CTTNBP2: variants seen among roughly 807,000 people sequenced by gnomAD.
The protein encoded by CTTNBP2 is cortactin-binding protein 2.
CTTNBP2 carries 108 observed loss-of-function variants against 156.9 expected under a neutral mutation model. That is an observed-to-expected ratio of 0.69 (90% CI 0.59 to 0.81). CTTNBP2 has a LOEUF of 0.81. Ranked by LOEUF, CTTNBP2 falls within the 30% of genes least tolerant of loss-of-function variation. The pLI is 0.00. For synonymous variants in CTTNBP2, 767 were observed against 751.8 expected (o/e 1.02, Z -0.33); for missense variants, 1,924 against 2,035.4 (o/e 0.95, Z 1.05).
chr7:117,840,898 C>T (rs1173041684), intron 2 of CTTNBP2, among the ~76,000 whole-genome samples: 3 of 152,138 alleles, frequency 2.0e-5, no homozygotes, highest in African/African-American at 7.2e-5. Context: ...AATTAAGCAG[C>T]TCTCCAACTT....
chr7:117,852,901 G>T (rs927877108), intron 2 of CTTNBP2, among the ~76,000 whole-genome samples: 1 of 152,094 alleles, frequency 6.6e-6, no homozygotes, highest in African/African-American at 2.4e-5. Context: ...TTGCCTTTGG[G>T]GGAGAGACAT....
chr7:117,767,505 T>C (rs1433015111), intron 8 of CTTNBP2, among the ~76,000 whole-genome samples: 2 of 152,210 alleles, frequency 1.3e-5, no homozygotes, highest in South Asian at 4.1e-4. Flanking sequence ...CAGCAGACAT[T>C]CTCCTTTTAT....
intron 4 of CTTNBP2, 143 bp from the exon 5 acceptor site, chr7:117,784,597 T>C (rs547835888): frequency 1.6e-4 from 84 of 541,860 alleles, no homozygotes; most frequent in Admixed American, 1.3e-3. Flanking sequence ...TATCAATCTG[T>C]TAATATTTAC....
rs67694603 is a variant in CTTNBP2 at position 117,838,967 on chromosome 7, C to CGGGGG, written c.189+22237_189+22241dup. 1.9e-3 allele frequency among the ~76,000 whole-genome samples: 181 copies of CGGGGG among 94,942 alleles called. 2 individuals are homozygous for CGGGGG. Among genetic ancestry groups the CGGGGG allele is most frequent in the African/African-American group, 6.6e-3 (164 of 24,714 alleles). 62.3% of individuals were successfully genotyped at this position (94,942 alleles called of 152,430 possible). A position where few individuals can be genotyped will look rare whatever the true frequency, so the allele number is the denominator to read the frequency against. On this transcript the variant is annotated intron_variant, in intron 2 of 22. Transcript: ENST00000160373. ...ATAATGTATAGTAACATTGCGGGGG[C>CGGGGG]GGGGGGGGGGCTTTTAAAAAAAATC...
intron 2 of CTTNBP2, among the ~76,000 whole-genome samples, chr7:117,850,553 T>C (rs1383486259): frequency 6.6e-6 from 1 of 152,196 alleles, no homozygotes; most frequent in Non-Finnish European, 1.5e-5. Flanking sequence ...TTGCACAAAA[T>C]AAAACAACTT....
intron 14 of CTTNBP2, among the ~76,000 whole-genome samples, chr7:117,742,446 T>G (rs34787450): frequency 0.046 from 7,014 of 152,176 alleles, 217 homozygotes; most frequent in African/African-American, 0.07. Flanking sequence ...ATAGAAGGCC[T>G]TGAACAGCAT....
chr7:117,741,854 TTC>T lies in CTTNBP2; in HGVS notation c.3535+3975_3535+3976del, dbSNP rs368239439. On this transcript the variant is annotated intron_variant, in intron 14 of 22. Transcript: ENST00000160373. Reference sequence around the variant, plus strand: ...GCTGCCACCTGAATTAAACTAATAATTCTCTTTTTCTTTGCCTATGCTATTTC... The same window carrying T: ...GCTGCCACCTGAATTAAACTAATAATTCTTTTTCTTTGCCTATGCTATTTC... 6.0e-4 allele frequency among the ~76,000 whole-genome samples: 91 copies of T among 152,368 alleles called. 1 individual carries two copies. The highest frequency in any genetic ancestry group is 5.6e-3 in the East Asian group (29 of 5,196).
At chr7:117,788,510 T>C (rs1397015093) in intron 4 of CTTNBP2, among the ~76,000 whole-genome samples, 2 of 152,132 alleles carry the variant, frequency 1.3e-5, no homozygotes, top group Non-Finnish European at 2.9e-5. Context: ...GTTAATCCCC[T>C]TCAAAGGGCT....
At chr7:117,727,076 T>C (rs1795133023) in intron 17 of CTTNBP2, among the ~76,000 whole-genome samples, 1 of 152,232 alleles carries the variant, frequency 6.6e-6, no homozygotes, top group Non-Finnish European at 1.5e-5. Context: ...AAAGTGGTAA[T>C]TATATCAATA....
intron 12 of CTTNBP2, among the ~76,000 whole-genome samples, chr7:117,753,916 G>T (rs182806634): frequency 7.2e-5 from 11 of 152,276 alleles, no homozygotes; most frequent in African/African-American, 2.6e-4. Context: ...TAAAATAAAA[G>T]TTGAAGGTAA....
intron 1 of CTTNBP2, among the ~76,000 whole-genome samples, chr7:117,867,621 TCAGGTA>T (rs1009436355): frequency 9.9e-5 from 15 of 152,118 alleles, no homozygotes; most frequent in African/African-American, 3.6e-4. Context: ...AAAGGATGTC[TCAGGTA>T]CATCCATCTT....
chr7:117,791,484 C>G lies in CTTNBP2; in HGVS notation c.1712G>C (p.Arg571Thr). The change falls in exon 4 of 23, where the codon AGG becomes ACG. Residue 571 changes from arginine (R) to threonine (T), a missense_variant. Coordinates refer to ENST00000160373, the MANE Select transcript of CTTNBP2 (RefSeq NM_033427.3). ...PQLKVIIDSS[R>T]ASNTGAKVDN... ...AACTTTGGCCCCTGTGTTCGAGGCCCTGCTGCTGTCTATAATAACCTTGAG... is the reference window on the plus strand; with the variant it reads ...AACTTTGGCCCCTGTGTTCGAGGCCGTGCTGCTGTCTATAATAACCTTGAG... 1 of 1,614,204 alleles carries G rather than the reference C, an allele frequency of 6.2e-7. No individual in the cohort carries two copies. Among genetic ancestry groups the G allele is most frequent in the Non-Finnish European group, 8.5e-7 (1 of 1,180,020 alleles).
Position 117,734,902 on chromosome 7 carries a change from C to T in CTTNBP2, c.3876+11G>A, listed in dbSNP as rs1268162563. The T allele has an allele frequency of 2.5e-6, 4 of 1,570,590 alleles. No homozygotes were observed. In the Admixed American group the frequency reaches 7.2e-5, roughly 28 times the overall value. On this transcript the variant is annotated intron_variant, in intron 16 of 22. Transcript: ENST00000160373. ...CTCTCCTGGCAACAGGCTGCACTTGCTGTTTGTTACCTTATTCACAACTTT... is the reference window on the plus strand; with the variant it reads ...CTCTCCTGGCAACAGGCTGCACTTGTTGTTTGTTACCTTATTCACAACTTT...
chr7:117,837,974 T>C (rs2193261), intron 2 of CTTNBP2, among the ~76,000 whole-genome samples: 99,118 of 152,050 alleles, frequency 0.65, 33,734 homozygotes, highest in African/African-American at 0.87. Context: ...TACACTAGCC[T>C]AGCTAAGCCC....
In CTTNBP2 at chr7:117,735,071, G is replaced by T. The variant is rs146038841; in HGVS notation, c.3718C>A (p.His1240Asn). The T allele has an allele frequency of 2.5e-6, 4 of 1,613,914 alleles. No homozygotes were observed. The Admixed American group carries it at 5.0e-5, about 20-fold the overall frequency. Residue 1240 changes from histidine to asparagine, a missense_variant, in exon 16 of 23, where the codon CAT (histidine) becomes AAT (asparagine). By Grantham distance (68) the His-to-Asn change is moderately conservative (BLOSUM62 1). Coordinates refer to ENST00000160373, the MANE Select transcript of CTTNBP2 (RefSeq NM_033427.3). The stretch of plus-strand genomic sequence containing the variant: ...GTTCCCATCAGAAAGCAGTTCTCAT[G>T]AAAGTAATAACATTCGGACAGTCCA... ...GNGLSECYYF[H>N]ENCFLMGTIA...
At chr7:117,755,543 GC>G (rs1208331346) in intron 12 of CTTNBP2, 1 of 470,196 alleles carries the variant, frequency 2.1e-6, no homozygotes, top group Non-Finnish European at 4.4e-6. Context: ...ATGACTTTGA[GC>G]ATTTTACCTC....
At chr7:117,830,028 A>G (rs559391146) in intron 2 of CTTNBP2, among the ~76,000 whole-genome samples, 2 of 152,338 alleles carry the variant, frequency 1.3e-5, no homozygotes, top group East Asian at 3.9e-4. Context: ...TTCCTACTCC[A>G]TTCCATAGAA....
intron 2 of CTTNBP2, among the ~76,000 whole-genome samples, chr7:117,832,801 C>T (rs1163136960): frequency 7.8e-6 from 1 of 128,602 alleles, no homozygotes; most frequent in Non-Finnish European, 1.6e-5. Context: ...GGCTGGAGTA[C>T]AGTGGCGCAA....
At chr7:117,782,827 T>C in intron 6 of CTTNBP2, 35 bp downstream of exon 6, 2 of 1,494,650 alleles carry the variant, frequency 1.3e-6, no homozygotes, top group South Asian at 1.2e-5. Context: ...GAGGCTCCTT[T>C]GATGGTGGGA....
Sources: allele counts gnomAD v4.1 joint callset (sites outside exome capture counted in the v4.1 genomes callset), GRCh38; gene constraint gnomAD v4.1.1; transcripts MANE v1.5; gene names NCBI Gene and HGNC (gene_info 2026-07-23, HGNC 2026-07-21).